The following SYVN1 variants were observed in gnomAD, a reference collection of about 807,000 sequenced individuals.
The protein encoded by SYVN1 is synoviolin 1.
Under a neutral mutation model 62.6 loss-of-function variants are expected in SYVN1, and 17 were observed. That is an observed-to-expected ratio of 0.27 (90% CI 0.19 to 0.41). SYVN1 has a LOEUF of 0.41. Among genes scored for constraint, SYVN1 ranks in the 10% least tolerant of loss-of-function variants. The pLI is 1.00. For missense variants in SYVN1, 634 were observed against 818.0 expected, an observed-to-expected ratio of 0.78 and a Z score of 2.74; for synonymous variants, 316 against 304.0, an observed-to-expected ratio of 1.04 and a Z score of -0.41.
chr11:65,133,735 AATC>A (rs1284419199), intron 1 of SYVN1, 117 bp from the exon 2 acceptor site: 1 of 815,540 alleles, frequency 1.2e-6, no homozygotes, highest in Non-Finnish European at 1.9e-6. Flanking sequence ...TCGCCCTCGA[AATC>A]ATCAGACAAA....
rs1948155383 is a variant in SYVN1, at chr11:65,130,023, T to C, written c.1387A>G (p.Met463Val). Residue 463 changes from methionine to valine, a missense_variant, in exon 13 of 16, where the codon ATG (methionine) becomes GTG (valine). Around this residue, in one of 2 missense-constraint regions of SYVN1, gnomAD observed 351 missense variants for 373.3 expected, o/e 0.94. Transcript: ENST00000377190. ...TTACCAAAGGGTGGAGGCAGGGGCA[T>C]ACCCATCCAGGGAGGAGGGAAGGGG... Reference protein sequence around the residue: ...GFPFPPPWMGMPLPPPFAFPP... With the variant: ...GFPFPPPWMGVPLPPPFAFPP... The C allele has an allele frequency of 1.9e-6, 3 of 1,599,318 alleles. No individual in the cohort carries two copies. The highest frequency in any genetic ancestry group is 1.3e-5 in the African/African-American group (1 of 74,600).
chr11:65,130,663 TG>T lies in SYVN1; in HGVS notation c.1101del (p.Asn368ThrfsTer117). ...PHPPPLLPQPPNFPQGLLPPF... is the reference protein window; with the variant it reads ...PHPPPLLPQPXNFPQGLLPPF... ...GGCCAGACAAGGGGATACTCACAGT[TG>T]GGGGGCTGAGGCAAGAGTGGTGGGG... On this transcript the variant is annotated frameshift_variant, in exon 11 of 16. Transcript: ENST00000377190. LOFTEE classifies it high-confidence loss of function. 2 of 921,144 alleles carry T rather than the reference TG, an allele frequency of 2.2e-6. No homozygotes were observed. 57.1% of individuals were successfully genotyped at this position (921,144 alleles called of 1,614,324 possible). A position where few individuals can be genotyped will look rare whatever the true frequency, so the allele number is the denominator to read the frequency against.
intron 14 of SYVN1, chr11:65,128,980 G>C: frequency 2.1e-6 from 1 of 468,994 alleles, no homozygotes; most frequent in Non-Finnish European, 3.8e-6. Flanking sequence ...CTCCACCCTG[G>C]GGAGTCAGGC....
At chr11:65,128,869 T>TGA (rs1948138630) in intron 14 of SYVN1, 155 bp from the exon 15 acceptor site, 1 of 773,426 alleles carries the variant, frequency 1.3e-6, no homozygotes, top group Non-Finnish European at 2.0e-6. Context: ...CTGAATGAAC[T>TGA]CAGACAGGGT....
At chr11:65,133,714 G>T in intron 1 of SYVN1, 96 bp from the exon 2 acceptor site, 2 of 987,244 alleles carry the variant, frequency 2.0e-6, no homozygotes, top group Non-Finnish European at 3.0e-6. Context: ...AAGTGGGGGG[G>T]AAATCACATT....
chr11:65,131,320 G>A lies in SYVN1; in HGVS notation c.712C>T (p.His238Tyr). 6.2e-7 allele frequency: 1 copy of A among 1,614,124 alleles called. No individual in the cohort carries two copies. The highest frequency in any genetic ancestry group is 8.5e-7 in the Non-Finnish European group (1 of 1,180,022). ...CGGATGGCAAAGAGTGGGAAGGTGT[G>A]CACCTTGATCATGATGGTCATGAAG... Reference protein sequence around the residue: ...MAFMTIMIKVHTFPLFAIRPM... With the variant: ...MAFMTIMIKVYTFPLFAIRPM... Residue 238 changes from histidine to tyrosine, a missense_variant, in exon 8 of 16, where the codon CAC (histidine) becomes TAC (tyrosine). Physicochemically the swap from His to Tyr is moderately conservative, Grantham distance 83. Transcript: ENST00000377190.
Position 65,130,027 on chromosome 11 carries a change from C to T in SYVN1, c.1383G>A (p.Met461Ile), listed in dbSNP as rs1948155472. Residue 461 changes from methionine to isoleucine, a missense_variant, in exon 13 of 16, where the codon ATG (methionine) becomes ATA (isoleucine). Coordinates refer to ENST00000377190, the MANE Select transcript of SYVN1 (RefSeq NM_172230.3). ...CAAAGGGTGGAGGCAGGGGCATACCCATCCAGGGAGGAGGGAAGGGGAAAC... is the reference window on the plus strand; with the variant it reads ...CAAAGGGTGGAGGCAGGGGCATACCTATCCAGGGAGGAGGGAAGGGGAAAC... The part of the protein sequence containing the change: ...APGFPFPPPW[M>I]GMPLPPPFAF... 6.2e-7 allele frequency: 1 copy of T among 1,600,408 alleles called. No homozygotes were observed.
At chr11:65,132,576 G>T in intron 5 of SYVN1, 156 bp downstream of exon 5, 1 of 977,964 alleles carries the variant, frequency 1.0e-6, no homozygotes, top group Non-Finnish European at 1.6e-6. Context: ...GGCCCAGGCA[G>T]TTGAGAAGCC....
rs148475829 is a variant in SYVN1, at chr11:65,129,746, G to A, written c.1578C>T (p.Thr526=). The A allele has an allele frequency of 2.0e-5, 32 of 1,614,080 alleles. No individual in the cohort carries two copies. Among genetic ancestry groups the A allele is most frequent in the Middle Eastern group, 1.6e-4 (1 of 6,084 alleles). The part of the protein sequence containing the change: ...AAMLQINQYL[T]VLASLGPPRP... ...AGACACACCCCAAGGAGGCCAGCAC[G>A]GTGAGGTACTGGTTGATCTGCAGCA... Residue 526 remains threonine (T), a synonymous_variant, in exon 14 of 16, where the codon ACC becomes ACT. Coordinates refer to ENST00000377190, the MANE Select transcript of SYVN1 (RefSeq NM_172230.3).
Position 65,131,568 on chromosome 11 carries a change from G to T in SYVN1, c.560C>A (p.Thr187Asn). Residue 187 changes from threonine to asparagine, a missense_variant, in exon 7 of 16, where the codon ACC (threonine) becomes AAC (asparagine). Physicochemically the swap from Thr to Asn is moderately conservative, Grantham distance 65. Coordinates refer to ENST00000377190, the MANE Select transcript of SYVN1 (RefSeq NM_172230.3). ...EYAILMTMVLTIFIKYVLHSV... is the reference protein window; with the variant it reads ...EYAILMTMVLNIFIKYVLHSV... ...GTGCAGCACATACTTGATGAAGATG[G>T]TGAGCACCATCGTCATCAGGATGGC... is the stretch of plus-strand genomic sequence containing the variant. The T allele has an allele frequency of 6.2e-7, 1 of 1,613,972 alleles. No individual in the cohort carries two copies. The highest frequency in any genetic ancestry group is 8.5e-7 in the Non-Finnish European group (1 of 1,179,992).
rs370871455 is a variant in SYVN1 at position 65,133,534 on chromosome 11, T to C, written c.68A>G (p.Tyr23Cys). The change falls in exon 2 of 16, where the codon TAC (tyrosine) becomes TGC (cysteine). Residue 23 changes from tyrosine to cysteine, a missense_variant. Around this residue, in one of 2 missense-constraint regions of SYVN1, gnomAD observed 283 missense variants for 444.7 expected, o/e 0.64. Coordinates refer to ENST00000377190, the MANE Select transcript of SYVN1 (RefSeq NM_172230.3). ...ALTGAVVAHAYYLKHQFYPTV... is the reference protein window; with the variant it reads ...ALTGAVVAHACYLKHQFYPTV... ...GGGGTAGAACTGGTGTTTGAGGTAG[T>C]AGGCGTGAGCCACCACAGCCCCGGT... 9.5e-5 allele frequency: 153 copies of C among 1,613,452 alleles called. No homozygotes were observed. Among genetic ancestry groups the C allele is most frequent in the Non-Finnish European group, 1.2e-4 (144 of 1,180,040 alleles).
intron 14 of SYVN1, chr11:65,129,103 T>C (rs943420483): frequency 1.6e-5 from 3 of 188,548 alleles, no homozygotes; most frequent in Non-Finnish European, 3.3e-5. Flanking sequence ...ATGTCACTTT[T>C]TTAAAAGACA....
intron 2 of SYVN1, 49 bp downstream of exon 2, chr11:65,133,421 T>G: frequency 6.2e-7 from 1 of 1,604,266 alleles, no homozygotes; most frequent in Non-Finnish European, 8.5e-7. Context: ...CCAGGCAGAC[T>G]CCTCCTTCCC....
intron 14 of SYVN1, 133 bp from the exon 15 acceptor site, chr11:65,128,847 C>T: frequency 1.1e-6 from 1 of 926,246 alleles, no homozygotes; most frequent in Non-Finnish European, 1.6e-6. Context: ...CTGGCAAACA[C>T]AAGTGAACAT....
intron 5 of SYVN1, 178 bp from the exon 6 acceptor site, chr11:65,132,529 G>A: frequency 2.6e-6 from 2 of 764,068 alleles, no homozygotes; most frequent in Non-Finnish European, 2.2e-6. Flanking sequence ...AGTTGTTGGG[G>A]CTGCCCAGGC....
Position 65,133,605 on chromosome 11 carries a change from C to T in SYVN1, c.-4G>A. The T allele has an allele frequency of 6.2e-7, 1 of 1,608,614 alleles. No individual in the cohort carries two copies. The stretch of plus-strand genomic sequence containing the variant: ...TCATCACTGCCGTGCGGAACATTGC[C>T]CTGGCCCGGAGACCTGCATGGGGCA... On this transcript the variant is annotated 5_prime_UTR_variant, in exon 2 of 16. Coordinates refer to ENST00000377190, the MANE Select transcript of SYVN1 (RefSeq NM_172230.3).
chr11:65,133,279 G>C (rs754327995), intron 2 of SYVN1, 27 bp from the exon 3 acceptor site: 1 of 1,611,964 alleles, frequency 6.2e-7, no homozygotes, highest in Admixed American at 1.7e-5. Context: ...GCTGTGGTTT[G>C]AGGTCACTTT....
At chr11:65,132,084 AG>A (rs1390237508) in intron 6 of SYVN1, among the ~76,000 whole-genome samples, 163 bp downstream of exon 6, 1 of 152,114 alleles carries the variant, frequency 6.6e-6, no homozygotes. Context: ...CCAGTCACCT[AG>A]GAGTGAGCGT....
chr11:65,133,307 G>C, intron 2 of SYVN1, 55 bp from the exon 3 acceptor site: 2 of 1,596,944 alleles, frequency 1.3e-6, no homozygotes, highest in Non-Finnish European at 1.7e-6. Flanking sequence ...CCTCTCCTTG[G>C]GACTCATCAT....
Sources: allele counts gnomAD v4.1 joint callset (sites outside exome capture counted in the v4.1 genomes callset), GRCh38; gene constraint gnomAD v4.1.1; regional missense constraint gnomAD v4.1.1; transcripts MANE v1.5; gene names NCBI Gene and HGNC (gene_info 2026-07-23, HGNC 2026-07-21).